COMT: variants seen among roughly 807,000 people sequenced by gnomAD.
The protein encoded by COMT is catechol-O-methyltransferase, also known as catechol O-methyltransferase.
COMT carries 13 observed loss-of-function variants against 18.9 expected under a neutral mutation model. The observed-to-expected ratio is 0.69, with a 90% CI of 0.45 to 1.09. The LOEUF (loss-of-function observed/expected upper bound fraction) is 1.09. Among genes scored for constraint, COMT ranks in the 50% least tolerant of loss-of-function variants. The probability of loss-of-function intolerance (pLI) is 0.00; values close to 1 mark genes in which losing one functional copy is unlikely to be tolerated. For missense variants in COMT, 329 were observed against 361.8 expected (o/e 0.91, Z 0.73); for synonymous variants, 150 against 160.9 (o/e 0.93, Z 0.51).
At chr22:19,943,097 C>A (rs928022123) in intron 1 of COMT, among the ~76,000 whole-genome samples, 2 of 152,144 alleles carry the variant, frequency 1.3e-5, no homozygotes, top group African/African-American at 2.4e-5. Context: ...AGTGTTCGTT[C>A]CAGCCTAGAT....
chr22:19,968,880 A>T lies in COMT; in HGVS notation c.*144A>T. On this transcript the variant is annotated 3_prime_UTR_variant, in exon 6 of 6. Coordinates refer to ENST00000361682, the MANE Select transcript of COMT (RefSeq NM_000754.4). Reference sequence around the variant, plus strand: ...GCCGAGGCCTGCGCCCTGACATGCTAACCTCTCTGAACTGCAACACTGGAT... The same window carrying T: ...GCCGAGGCCTGCGCCCTGACATGCTTACCTCTCTGAACTGCAACACTGGAT... 1.4e-6 allele frequency: 1 copy of T among 702,764 alleles called. No individual in the cohort carries two copies. The highest frequency in any genetic ancestry group is 2.5e-6 in the Non-Finnish European group (1 of 401,554). 43.5% of individuals were successfully genotyped at this position (702,764 alleles called of 1,614,324 possible).
At chr22:19,946,255 C>G (rs174673) in intron 1 of COMT, among the ~76,000 whole-genome samples, 141,410 of 152,108 alleles carry the variant, frequency 0.93, 66,191 homozygotes, top group African/African-American at 0.99. Flanking sequence ...GGGAGGCCAA[C>G]GTGGCTATAT....
intron 1 of COMT, 120 bp downstream of exon 1, chr22:19,942,017 C>G: frequency 2.1e-5 from 8 of 374,578 alleles, no homozygotes; most frequent in East Asian, 4.8e-5. Flanking sequence ...AGTGATCTGA[C>G]GTTGGGTGGG....
At chr22:19,963,448 G>A (rs1458290922) in intron 3 of COMT, 118 bp from the exon 4 acceptor site, 13 of 1,208,904 alleles carry the variant, frequency 1.1e-5, no homozygotes, top group East Asian at 2.5e-5. Flanking sequence ...GAGGGCCAGC[G>A]GCCAGGCATT....
intron 1 of COMT, among the ~76,000 whole-genome samples, chr22:19,956,117 T>G (rs916610335): frequency 9.3e-6 from 1 of 107,236 alleles, no homozygotes; most frequent in Non-Finnish European, 2.0e-5. Context: ...GTTATCTTTC[T>G]TTCTTTTTTT....
chr22:19,955,314 G>A (rs1332180027), intron 1 of COMT, among the ~76,000 whole-genome samples: 1 of 152,220 alleles, frequency 6.6e-6, no homozygotes, highest in South Asian at 2.1e-4. Flanking sequence ...GCCTCCAGGT[G>A]TCCTCTCAGC....
intron 1 of COMT, among the ~76,000 whole-genome samples, chr22:19,944,106 A>G (rs927984485): frequency 5.3e-5 from 8 of 152,220 alleles, no homozygotes; most frequent in African/African-American, 1.7e-4. Context: ...TCTTGGTGAC[A>G]CCAAGTCAGG....
Position 19,941,910 on chromosome 22 carries a change from G to A in COMT, c.-92+13G>A. ...CGTCGCGGGAGAGGTGAGAGCGCTG[G>A]CTAGACCGGGGCCGAATGCGGCCGG... is the stretch of plus-strand genomic sequence containing the variant. On this transcript the variant is annotated intron_variant, in intron 1 of 5. Coordinates refer to ENST00000361682, the MANE Select transcript of COMT (RefSeq NM_000754.4). 8.2e-7 allele frequency: 1 copy of A among 1,213,394 alleles called. No homozygotes were observed. The allele number at this position is 1,213,394 out of a possible 1,614,324, so 75.2% of individuals were successfully genotyped here.
chr22:19,944,744 C>T (rs11913025), intron 1 of COMT, among the ~76,000 whole-genome samples: 5,128 of 151,958 alleles, frequency 0.034, 288 homozygotes, highest in African/African-American at 0.12. Context: ...ATGGTGTGAA[C>T]CCGGGAGGTG....
intron 5 of COMT, among the ~76,000 whole-genome samples, chr22:19,968,211 T>C (rs1005570101): frequency 6.6e-6 from 1 of 152,198 alleles, no homozygotes; most frequent in African/African-American, 2.4e-5. Context: ...GAGGGCCCCA[T>C]TGTTTCCACT....
chr22:19,944,893 G>A (rs114218105), intron 1 of COMT, among the ~76,000 whole-genome samples: 2,018 of 152,248 alleles, frequency 0.013, 46 homozygotes, highest in African/African-American at 0.046. Context: ...TAACTCCCAA[G>A]GGGGTGTTAT....
chr22:19,941,965 T>C, intron 1 of COMT, 68 bp downstream of exon 1: 1 of 600,256 alleles, frequency 1.7e-6, no homozygotes, highest in Non-Finnish European at 2.6e-6. Flanking sequence ...AGACCTAGGG[T>C]GGAACACTGG....
chr22:19,951,358 C>CAA (rs763753502), intron 1 of COMT: 26,916 of 109,164 alleles, frequency 0.25, 5,985 homozygotes, highest in Middle Eastern at 0.32. Context: ...GACTCTGTCC[C>CAA]AAAAAAAAAA....
At chr22:19,962,041 C>T (rs1170494576) in intron 2 of COMT, among the ~76,000 whole-genome samples, 1 of 152,128 alleles carries the variant, frequency 6.6e-6, no homozygotes, top group African/African-American at 2.4e-5. Context: ...CCTGGGGCGT[C>T]CAGAGCATGG....
intron 3 of COMT, 78 bp from the exon 4 acceptor site, chr22:19,963,487 GT>G: frequency 6.6e-7 from 1 of 1,522,532 alleles, no homozygotes; most frequent in Non-Finnish European, 8.9e-7. Flanking sequence ...TTTGGGAGAG[GT>G]GGGGGGCCGT....
At chr22:19,963,124 T>C (rs1191322237) in intron 3 of COMT, among the ~76,000 whole-genome samples, 1 of 151,978 alleles carries the variant, frequency 6.6e-6, no homozygotes, top group Non-Finnish European at 1.5e-5. Flanking sequence ...TCAGACAGGT[T>C]CTCCTGGGCC....
chr22:19,952,465 C>T (rs969963933), intron 1 of COMT, among the ~76,000 whole-genome samples: 14 of 149,998 alleles, frequency 9.3e-5, no homozygotes, highest in Admixed American at 2.0e-4. Flanking sequence ...TGGTGAAACC[C>T]CGTCTCTACC....
intron 3 of COMT, 170 bp from the exon 4 acceptor site, chr22:19,963,396 G>A: frequency 2.7e-6 from 2 of 728,734 alleles, no homozygotes; most frequent in Admixed American, 2.3e-5. Flanking sequence ...GGACACCAGG[G>A]AGGTGAAATA....
chr22:19,967,912 T>C (rs1273909754), intron 5 of COMT, among the ~76,000 whole-genome samples: 6 of 152,262 alleles, frequency 3.9e-5, no homozygotes, highest in African/African-American at 9.6e-5. Context: ...CCATGCCCTA[T>C]GGCTGCGTGT....
Sources: allele counts gnomAD v4.1 joint callset (sites outside exome capture counted in the v4.1 genomes callset), GRCh38; gene constraint gnomAD v4.1.1; transcripts MANE v1.5; gene names NCBI Gene and HGNC (gene_info 2026-07-23, HGNC 2026-07-21).